SLC24A2: variants seen among roughly 807,000 people sequenced by gnomAD.
SLC24A2 encodes the protein sodium/potassium/calcium exchanger 2.
SLC24A2 carries 36 observed loss-of-function variants against 62.0 expected under a neutral mutation model. The ratio of observed to expected loss-of-function variants is 0.58; its 90% CI spans 0.44 to 0.77. The LOEUF is 0.77. Ranked by LOEUF, SLC24A2 falls within the 30% of genes least tolerant of loss-of-function variation. The pLI is 0.00. For synonymous variants in SLC24A2, 358 were observed against 294.0 expected, an observed-to-expected ratio of 1.22 and a Z score of -2.23; for missense variants, 846 against 817.9, an observed-to-expected ratio of 1.03 and a Z score of -0.42.
chr9:20,134,589 A>G, the SLC24A2 span, among the ~76,000 whole-genome samples: 4 of 152,174 alleles, frequency 2.6e-5, no homozygotes, highest in Non-Finnish European at 5.9e-5. Context: ...TAGGAATGAG[A>G]GCAACTGAAG....
chr9:19,768,221 T>C (rs1587295772), intron 2 of SLC24A2, among the ~76,000 whole-genome samples: 1 of 152,340 alleles, frequency 6.6e-6, no homozygotes, highest in East Asian at 1.9e-4. Flanking sequence ...AGCAACTCTA[T>C]ATTTTTCTTC....
chr9:19,958,339 G>C, the SLC24A2 span, among the ~76,000 whole-genome samples: 1,335 of 152,270 alleles, frequency 8.8e-3, 26 homozygotes, highest in African/African-American at 0.031. Flanking sequence ...ATACTAACGA[G>C]GAACACCACC....
intron 7 of SLC24A2, among the ~76,000 whole-genome samples, chr9:19,570,830 T>A (rs556219050): frequency 6.6e-6 from 1 of 152,292 alleles, no homozygotes; most frequent in Admixed American, 6.5e-5. Flanking sequence ...TGTCCTACAG[T>A]GGGCCATGGT....
the SLC24A2 span, among the ~76,000 whole-genome samples, chr9:20,160,855 G>GAA: frequency 6.9e-6 from 1 of 144,400 alleles, no homozygotes; most frequent in Admixed American, 6.9e-5. Context: ...GCCTAAAACA[G>GAA]AAAAAAAAAG....
the SLC24A2 span, among the ~76,000 whole-genome samples, chr9:19,892,174 T>C: frequency 1.8e-4 from 28 of 152,278 alleles, no homozygotes; most frequent in African/African-American, 6.7e-4. Flanking sequence ...TTCCCTATAA[T>C]CTTTGAAGAG....
At chr9:19,658,748 G>T (rs939404360) in intron 2 of SLC24A2, among the ~76,000 whole-genome samples, 1 of 152,202 alleles carries the variant, frequency 6.6e-6, no homozygotes, top group Non-Finnish European at 1.5e-5. Flanking sequence ...AGACCCAGGA[G>T]ACCAGAGGTT....
At chr9:19,585,570 G>C (rs144256251) in intron 5 of SLC24A2, among the ~76,000 whole-genome samples, 1 of 152,150 alleles carries the variant, frequency 6.6e-6, no homozygotes. Flanking sequence ...ATTGCTCCTA[G>C]CCTTTCTTAG....
the SLC24A2 span, among the ~76,000 whole-genome samples, chr9:19,895,546 C>CTT: frequency 0.056 from 7,577 of 135,182 alleles, 269 homozygotes; most frequent in Non-Finnish European, 0.08. Context: ...TTCTTTCTTT[C>CTT]TTTTTTTTTT....
Position 19,528,067 on chromosome 9 carries a change from C to A in SLC24A2, c.1551G>T (p.Met517Ile), listed in dbSNP as rs778374435. 1 of 1,594,552 alleles carries A rather than the reference C, an allele frequency of 6.3e-7. No homozygotes were observed. Among genetic ancestry groups the A allele is most frequent in the Admixed American group, 1.7e-5 (1 of 57,666 alleles). Residue 517 changes from methionine to isoleucine, a missense_variant, in exon 9 of 11, where the codon ATG (methionine) becomes ATT (isoleucine). By Grantham distance (10) the Met-to-Ile change is conservative. Transcript: ENST00000341998. ...ITWIAVFSYL[M>I]VWWAHQVGET... ...ATCTTACCTGGTGCGCCCACCAGAC[C>A]ATCAAGTAAGAGAATACTGCAATCC...
the SLC24A2 span, among the ~76,000 whole-genome samples, chr9:20,129,110 C>A: frequency 6.6e-6 from 1 of 152,044 alleles, no homozygotes; most frequent in Non-Finnish European, 1.5e-5. Context: ...AATCAACCCA[C>A]TTTTGAAATG....
At chr9:20,169,627 A>C in the SLC24A2 span, among the ~76,000 whole-genome samples, 1 of 152,020 alleles carries the variant, frequency 6.6e-6, no homozygotes, top group Non-Finnish European at 1.5e-5. Context: ...CCCTAGGAAA[A>C]CAGGGAGAGT....
the SLC24A2 span, among the ~76,000 whole-genome samples, chr9:20,003,245 A>G: frequency 1.3e-5 from 2 of 152,328 alleles, no homozygotes; most frequent in Non-Finnish European, 2.9e-5. Context: ...GCCCATGACC[A>G]CAGGCAAAAT....
At chr9:20,038,630 A>C in the SLC24A2 span, among the ~76,000 whole-genome samples, 1 of 149,620 alleles carries the variant, frequency 6.7e-6, no homozygotes, top group Admixed American at 6.6e-5. Flanking sequence ...AAAAGAAACA[A>C]ACAAAAAAAA....
intron 2 of SLC24A2, among the ~76,000 whole-genome samples, chr9:19,731,232 C>T (rs945312400): frequency 6.6e-6 from 1 of 152,148 alleles, no homozygotes; most frequent in African/African-American, 2.4e-5. Flanking sequence ...CTGTCTCTGT[C>T]ATAAACTACT....
intron 5 of SLC24A2, among the ~76,000 whole-genome samples, chr9:19,591,581 T>C (rs1010943585): frequency 6.6e-5 from 10 of 152,130 alleles, no homozygotes; most frequent in African/African-American, 2.4e-4. Context: ...ACAAAATATC[T>C]AGAGAAAATC....
At chr9:19,934,911 G>A in the SLC24A2 span, among the ~76,000 whole-genome samples, 1 of 152,118 alleles carries the variant, frequency 6.6e-6, no homozygotes, top group African/African-American at 2.4e-5. This position sits in a 1 kb window ranked among gnomAD's most constrained non-coding sequence, Gnocchi z 4.1. Flanking sequence ...GGAGGCGGGA[G>A]AGCTGGCAGG....
the SLC24A2 span, among the ~76,000 whole-genome samples, chr9:20,181,441 T>C: frequency 6.6e-6 from 1 of 152,146 alleles, no homozygotes; most frequent in African/African-American, 2.4e-5. Context: ...AACAGGGATA[T>C]AGACCAATGG....
chr9:19,535,032 CT>C (rs1429837354), intron 8 of SLC24A2, among the ~76,000 whole-genome samples: 1 of 152,160 alleles, frequency 6.6e-6, no homozygotes, highest in Non-Finnish European at 1.5e-5. Context: ...TGTTTCCTGA[CT>C]TTTTAATGAT....
intron 2 of SLC24A2, among the ~76,000 whole-genome samples, chr9:19,625,687 TTTTC>T (rs1352343089): frequency 3.9e-5 from 3 of 77,322 alleles, no homozygotes; most frequent in Admixed American, 1.5e-4. Context: ...CTTTTTTTTC[TTTTC>T]TTTTTTTTTT....
Sources: allele counts gnomAD v4.1 joint callset (sites outside exome capture counted in the v4.1 genomes callset), GRCh38; gene constraint gnomAD v4.1.1; non-coding constraint Gnocchi (gnomAD v3.1); transcripts MANE v1.5; gene names NCBI Gene and HGNC (gene_info 2026-07-23, HGNC 2026-07-21).